The following C19orf38 variants were observed in gnomAD, a reference collection of about 807,000 sequenced individuals.
The protein encoded by C19orf38 is protein HIDE1.
A neutral mutation model predicts 26.6 loss-of-function variants in C19orf38; 14 were observed. The observed-to-expected ratio is 0.53, with a 90% CI of 0.35 to 0.82. The LOEUF is 0.82. Ranked by LOEUF, C19orf38 falls within the 40% of genes least tolerant of loss-of-function variation. The pLI is 0.01. For synonymous variants in C19orf38, 132 were observed against 128.5 expected (o/e 1.03, Z -0.18); for missense variants, 261 against 299.5 (o/e 0.87, Z 0.95).
chr19:10,845,874 G>GTC (rs1478297140), upstream of C19orf38, among the ~76,000 whole-genome samples: 9 of 136,560 alleles, frequency 6.6e-5, no homozygotes, highest in African/African-American at 2.2e-4. Context: ...GCAAGACTCC[G>GTC]TCAAAAAAAA....
At chr19:10,851,764 T>C (rs12986222) in intron 2 of C19orf38, among the ~76,000 whole-genome samples, 48,707 of 150,616 alleles carry the variant, frequency 0.32, 7,895 homozygotes, top group Middle Eastern at 0.43. Context: ...GTCAGGAGAT[T>C]GAGACCATCC....
chr19:10,855,006 G>A (rs2073609056), intron 2 of C19orf38, among the ~76,000 whole-genome samples: 1 of 147,592 alleles, frequency 6.8e-6, no homozygotes, highest in African/African-American at 2.5e-5. Flanking sequence ...GCAAGATTGT[G>A]CCCTGAAGCT....
intron 1 of C19orf38, among the ~76,000 whole-genome samples, chr19:10,839,629 A>T (rs1426309840): frequency 6.6e-6 from 1 of 152,014 alleles, no homozygotes; most frequent in African/African-American, 2.4e-5. Context: ...TCTTTTACTT[A>T]GCATGTTTCT....
rs892381045 is a variant in C19orf38 at position 10,850,670 on chromosome 19, T to G, written c.340+103T>G. Reference sequence around the variant, plus strand: ...GAGGCCTTCCCAGAAAAAGCCAGGCTTACACCCTGCCAGGACTTACTCGCC... The same window carrying G: ...GAGGCCTTCCCAGAAAAAGCCAGGCGTACACCCTGCCAGGACTTACTCGCC... On this transcript the variant is annotated intron_variant, in intron 2 of 6. Transcript: ENST00000397820. 5.6e-6 allele frequency: 7 copies of G among 1,241,618 alleles called. No homozygotes were observed. The Admixed American group carries it at 1.3e-4, about 23-fold the overall frequency. The allele number at this position is 1,241,618 out of a possible 1,614,324, so 76.9% of individuals were successfully genotyped here. A position where few individuals can be genotyped will look rare whatever the true frequency, so the allele number is the denominator to read the frequency against.
At chr19:10,869,088 G>A in intron 6 of C19orf38, 130 bp from the exon 7 acceptor site, 1 of 1,167,684 alleles carries the variant, frequency 8.6e-7, no homozygotes, top group Non-Finnish European at 1.2e-6. Context: ...CAGGACAGGT[G>A]GGTGTGGGTG....
chr19:10,862,758 G>T (rs550092938), intron 5 of C19orf38, among the ~76,000 whole-genome samples: 1 of 152,210 alleles, frequency 6.6e-6, no homozygotes, highest in African/African-American at 2.4e-5. Context: ...GAACCCAGGA[G>T]GCGGAAGTTG....
At chr19:10,840,523 G>GTTTTTGT (rs149439558) in intron 1 of C19orf38, among the ~76,000 whole-genome samples, 1 of 144,798 alleles carries the variant, frequency 6.9e-6, no homozygotes, top group Admixed American at 6.8e-5. Context: ...TTTTGTTTTT[G>GTTTTTGT]TTTTGTTTTG....
intron 5 of C19orf38, among the ~76,000 whole-genome samples, chr19:10,861,342 C>T (rs1292823880): frequency 2.0e-5 from 3 of 152,234 alleles, no homozygotes; most frequent in Non-Finnish European, 2.9e-5. Flanking sequence ...GCCAGTCTGT[C>T]ATGCAGGATA....
chr19:10,855,185 G>C (rs2073611539), intron 2 of C19orf38, among the ~76,000 whole-genome samples: 1 of 151,660 alleles, frequency 6.6e-6, no homozygotes, highest in Non-Finnish European at 1.5e-5. Context: ...TTACAGGCAC[G>C]TAACACCTGG....
intron 6 of C19orf38, among the ~76,000 whole-genome samples, chr19:10,867,816 C>A (rs764502975): frequency 3.3e-5 from 5 of 151,220 alleles, no homozygotes; most frequent in Non-Finnish European, 7.4e-5. Flanking sequence ...CCATGCCCGG[C>A]TAATTTTTGT....
chr19:10,866,357 A>ATTTTTTTTTTTTTTTTTT, intron 6 of C19orf38, among the ~76,000 whole-genome samples: 1 of 125,646 alleles, frequency 8.0e-6, no homozygotes, highest in Non-Finnish European at 1.7e-5. Context: ...TGCCCAGCTA[A>ATTTTTTTTTTTTTTTTTT]TTTTTTTTTT....
At chr19:10,841,436 T>C (rs1187403885) in intron 1 of C19orf38, among the ~76,000 whole-genome samples, 4 of 150,698 alleles carry the variant, frequency 2.7e-5, no homozygotes, top group Admixed American at 6.6e-5. Context: ...TGAGCCATGA[T>C]TGGCCCACTA....
At position 10,852,151 on chromosome 19, in the gene C19orf38, C is replaced by CA. The variant is rs980211918; in HGVS notation, c.340+1596dup. Reference sequence around the variant, plus strand: ...TGGGTGACAGAGCAAGATTCTGTCTCAAAAAAAAAAAAGATATTGACCAGG... The same window carrying CA: ...TGGGTGACAGAGCAAGATTCTGTCTCAAAAAAAAAAAAAGATATTGACCAGG... On this transcript the variant is annotated intron_variant, in intron 2 of 6. Coordinates refer to ENST00000397820, the MANE Select transcript of C19orf38 (RefSeq NM_001136482.3). 3.8e-3 allele frequency among the ~76,000 whole-genome samples: 532 copies of CA among 138,706 alleles called. 14 individuals are homozygous for CA. In the East Asian group the frequency reaches 0.085, roughly 22 times the overall value. 91.0% of individuals were successfully genotyped at this position (138,706 alleles called of 152,430 possible).
rs1430564619 is a variant in C19orf38 at position 10,869,358 on chromosome 19, C to T, written c.684C>T (p.Ala228=). Residue 228 remains alanine (A), a synonymous_variant, in exon 7 of 7, where the codon GCC becomes GCT. Coordinates refer to ENST00000397820, the MANE Select transcript of C19orf38 (RefSeq NM_001136482.3). ...CCCCCGAATTCAGCACTTTCCGGGCCTGCCAGTGAGGCTGAGGACTGGGGG... is the reference window on the plus strand; with the variant it reads ...CCCCCGAATTCAGCACTTTCCGGGCTTGCCAGTGAGGCTGAGGACTGGGGG... ...PETPEFSTFR[A]CQ is the part of the protein sequence containing the mutation. 1.3e-6 allele frequency: 2 copies of T among 1,550,164 alleles called. No homozygotes were observed. Among genetic ancestry groups the T allele is most frequent in the East Asian group, 4.9e-5 (2 of 40,908 alleles).
upstream of C19orf38, among the ~76,000 whole-genome samples, chr19:10,843,854 C>T (rs575543962): frequency 4.4e-4 from 67 of 152,300 alleles, no homozygotes; most frequent in Middle Eastern, 6.8e-3. Context: ...CATGGCGGCT[C>T]ATGCCTATAA....
chr19:10,839,228 C>T (rs2073461310), intron 1 of C19orf38, among the ~76,000 whole-genome samples: 1 of 152,082 alleles, frequency 6.6e-6, no homozygotes, highest in African/African-American at 2.4e-5. Flanking sequence ...TTCTTAGTTC[C>T]TGTACACGTG....
At chr19:10,847,369 CTTT>C (rs918277367), upstream of C19orf38, among the ~76,000 whole-genome samples, 3 of 125,934 alleles carry the variant, frequency 2.4e-5, no homozygotes, top group African/African-American at 9.0e-5. Flanking sequence ...GTCCACTGCT[CTTT>C]TTTTTTTTTT....
intron 1 of C19orf38, 22 bp downstream of exon 1, chr19:10,848,561 C>G: frequency 6.8e-7 from 1 of 1,476,008 alleles, no homozygotes; most frequent in African/African-American, 1.4e-5. Context: ...GCCCCCCTCT[C>G]AGATCCCCCA....
intron 2 of C19orf38, among the ~76,000 whole-genome samples, chr19:10,855,075 T>C (rs2073610576): frequency 6.9e-6 from 1 of 144,806 alleles, no homozygotes; most frequent in Admixed American, 7.2e-5. Flanking sequence ...TCTAGCTGTG[T>C]CACCCAGACT....
Sources: allele counts gnomAD v4.1 joint callset (sites outside exome capture counted in the v4.1 genomes callset), GRCh38; gene constraint gnomAD v4.1.1; transcripts MANE v1.5; gene names NCBI Gene and HGNC (gene_info 2026-07-23, HGNC 2026-07-21).